Variants in GAS7 observed in about 807,000 individuals in gnomAD.
GAS7 encodes the protein growth arrest-specific protein 7.
In GAS7, 28 loss-of-function variants were observed where a neutral mutation model predicts 71.1. The observed-to-expected ratio is 0.39, with a 90% CI of 0.29 to 0.54. GAS7 has a LOEUF of 0.54. Among genes scored for constraint, GAS7 ranks in the 20% least tolerant of loss-of-function variants. The pLI is 0.62. For synonymous variants in GAS7, 258 were observed against 245.8 expected, an observed-to-expected ratio of 1.05 and a Z score of -0.46; for missense variants, 436 against 627.8, an observed-to-expected ratio of 0.69 and a Z score of 3.27.
At chr17:10,179,308 G>A (rs747182414) in intron 1 of GAS7, among the ~76,000 whole-genome samples, 1 of 151,876 alleles carries the variant, frequency 6.6e-6, no homozygotes, top group Non-Finnish European at 1.5e-5. Flanking sequence ...ACTCCAGCCT[G>A]GGCAACATGA....
intron 1 of GAS7, among the ~76,000 whole-genome samples, chr17:10,024,397 G>A (rs1398915500): frequency 6.6e-6 from 1 of 152,106 alleles, no homozygotes; most frequent in Admixed American, 6.5e-5. Context: ...CCTTAGTCCT[G>A]TGGCTTTTTC....
At chr17:9,999,517 C>CAA (rs58784129) in intron 2 of GAS7, among the ~76,000 whole-genome samples, 6,988 of 141,758 alleles carry the variant, frequency 0.049, 476 homozygotes, top group African/African-American at 0.16. Flanking sequence ...GACTTTGCCT[C>CAA]AAAAAAAAAA....
intron 1 of GAS7, among the ~76,000 whole-genome samples, chr17:10,171,611 T>G (rs2074335462): frequency 6.6e-6 from 1 of 152,206 alleles, no homozygotes; most frequent in Non-Finnish European, 1.5e-5. Flanking sequence ...TGCATAAGGA[T>G]TCATTTCCCA....
chr17:10,169,400 G>A (rs749181045), intron 1 of GAS7, among the ~76,000 whole-genome samples: 10 of 152,148 alleles, frequency 6.6e-5, no homozygotes, highest in South Asian at 2.1e-4. Context: ...GTGGGGTTAC[G>A]GACAGGCAAA....
intron 1 of GAS7, among the ~76,000 whole-genome samples, chr17:10,164,951 C>G (rs1458938054): frequency 6.6e-6 from 1 of 150,660 alleles, no homozygotes; most frequent in African/African-American, 2.4e-5. Context: ...GAGTTCGAGA[C>G]CAGCCTGGCC....
At chr17:10,179,470 C>T (rs1008528427) in intron 1 of GAS7, among the ~76,000 whole-genome samples, 6 of 130,726 alleles carry the variant, frequency 4.6e-5, no homozygotes, top group African/African-American at 1.8e-4. Context: ...GCTGGTTTAT[C>T]TGTCACCTTA....
intron 6 of GAS7, among the ~76,000 whole-genome samples, chr17:9,946,617 C>A (rs572373009): frequency 3.1e-4 from 47 of 152,324 alleles, no homozygotes; most frequent in African/African-American, 1.1e-3. Flanking sequence ...CCTGCCTTCA[C>A]TGAGCATCGG....
chr17:10,096,727 C>T (rs761450015), intron 1 of GAS7, among the ~76,000 whole-genome samples: 4 of 152,236 alleles, frequency 2.6e-5, no homozygotes, highest in African/African-American at 7.2e-5. Context: ...ATGGTCTCAG[C>T]GCAGGGAGGA....
rs2072471867 is a variant in GAS7 at position 10,026,697 on chromosome 17, G to C, written c.184-6800C>G. 6.6e-6 allele frequency among the ~76,000 whole-genome samples: 1 copy of C among 152,214 alleles called. No homozygotes were observed. Among genetic ancestry groups the C allele is most frequent in the Non-Finnish European group, 1.5e-5 (1 of 68,032 alleles). On this transcript the variant is annotated intron_variant, in intron 1 of 13. Coordinates refer to ENST00000432992, the MANE Select transcript of GAS7 (RefSeq NM_201433.2). This position sits in a 1 kb window ranked among gnomAD's most constrained non-coding sequence, Gnocchi z 4.5. ...AAGATCAAGACCCAGCAGGGCTGGA[G>C]ACTGGCAATTCACTCCCACGTCATG...
chr17:10,119,980 T>G (rs563055220), intron 1 of GAS7, among the ~76,000 whole-genome samples: 15 of 152,204 alleles, frequency 9.9e-5, no homozygotes, highest in African/African-American at 3.4e-4. Flanking sequence ...AGCTCAAGCC[T>G]CTGACCACAA....
At chr17:10,154,957 A>C (rs894222634) in intron 1 of GAS7, among the ~76,000 whole-genome samples, 1 of 140,604 alleles carries the variant, frequency 7.1e-6, no homozygotes, top group Admixed American at 7.0e-5. Flanking sequence ...CACACACACA[A>C]AACCCATGTC....
intron 1 of GAS7, among the ~76,000 whole-genome samples, chr17:10,025,710 A>T (rs1241201623): frequency 6.6e-6 from 1 of 152,066 alleles, no homozygotes; most frequent in African/African-American, 2.4e-5. Context: ...CTGGGATGTG[A>T]GTTCAAGTGC....
At chr17:9,942,063 G>A (rs1193628140) in intron 7 of GAS7, among the ~76,000 whole-genome samples, 1 of 152,122 alleles carries the variant, frequency 6.6e-6, no homozygotes, top group Non-Finnish European at 1.5e-5. Context: ...GACCAGCCTG[G>A]CCAACATGGT....
intron 2 of GAS7, among the ~76,000 whole-genome samples, chr17:9,995,360 T>C (rs1036270346): frequency 1.3e-5 from 2 of 151,978 alleles, no homozygotes; most frequent in South Asian, 4.1e-4. Flanking sequence ...TGTATATGCA[T>C]GTAGATAAAA....
At chr17:9,946,380 T>C (rs1004698560) in intron 6 of GAS7, among the ~76,000 whole-genome samples, 1 of 152,200 alleles carries the variant, frequency 6.6e-6, no homozygotes, top group Non-Finnish European at 1.5e-5. Context: ...CAAAATTGTC[T>C]TTAATCTTGC....
rs1188256319 is a variant in GAS7, at chr17:10,034,760, G to A, written c.184-14863C>T. Among the ~76,000 whole-genome samples, 1 of 152,200 alleles carries A rather than the reference G, an allele frequency of 6.6e-6. No homozygotes were observed. The highest frequency in any genetic ancestry group is 1.5e-5 in the Non-Finnish European group (1 of 68,024). On this transcript the variant is annotated intron_variant, in intron 1 of 13. Transcript: ENST00000432992. The surrounding 1 kb of genome is among the most constrained non-coding windows in gnomAD (Gnocchi z 4.4). ...ACGTGGGCTGTGCCCCAAACACCAAGGATCCTGCCTTACTGCACCCAGGAT... is the reference window on the plus strand; with the variant it reads ...ACGTGGGCTGTGCCCCAAACACCAAAGATCCTGCCTTACTGCACCCAGGAT...
At chr17:10,125,157 A>C (rs958872709) in intron 1 of GAS7, among the ~76,000 whole-genome samples, 1 of 152,162 alleles carries the variant, frequency 6.6e-6, no homozygotes, top group Non-Finnish European at 1.5e-5. Context: ...GTGACTAACA[A>C]ACACTAAAAC....
chr17:10,187,391 A>G (rs1285388922), intron 1 of GAS7, among the ~76,000 whole-genome samples: 1 of 152,092 alleles, frequency 6.6e-6, no homozygotes, highest in Non-Finnish European at 1.5e-5. Context: ...ACACCCCCAC[A>G]ATGCTACCTT....
chr17:9,956,665 C>G (rs1262097689), intron 5 of GAS7, among the ~76,000 whole-genome samples: 2 of 152,172 alleles, frequency 1.3e-5, no homozygotes, highest in Non-Finnish European at 2.9e-5. Context: ...ATGTGTCTGT[C>G]CCCTGAAAAC....
Sources: gnomAD v4.1 joint callset for allele counts (sites outside exome capture counted in the v4.1 genomes callset) on GRCh38, gnomAD v4.1.1 for gene constraint, Gnocchi (gnomAD v3.1) non-coding constraint, MANE v1.5 for transcripts, NCBI Gene and HGNC (gene_info 2026-07-23, HGNC 2026-07-21) for gene names.